PGPEP1: variants seen among roughly 807,000 people sequenced by gnomAD.
PGPEP1 encodes the protein pyroglutamyl-peptidase I, also known as pyroglutamyl-peptidase 1.
Under a neutral mutation model 24.1 loss-of-function variants are expected in PGPEP1, and 15 were observed. The observed-to-expected ratio is 0.62, with a 90% CI of 0.42 to 0.96. The LOEUF is 0.96. PGPEP1 is among the 40% of genes least tolerant of loss of function. PGPEP1 has a pLI of 0.00. For synonymous variants in PGPEP1, 122 were observed against 116.4 expected (o/e 1.05, Z -0.31); for missense variants, 242 against 273.4 (o/e 0.89, Z 0.81).
chr19:18,340,744 C>T, intron 1 of PGPEP1, 29 bp downstream of exon 1: 1 of 1,448,556 alleles, frequency 6.9e-7, no homozygotes. Flanking sequence ...GCTGTAGCGG[C>T]AGCGGCCGGG....
rs1311829449 is a variant in PGPEP1 at position 18,366,373 on chromosome 19, C to T, written c.*2790C>T. On this transcript the variant is annotated 3_prime_UTR_variant, in exon 5 of 5. Coordinates refer to ENST00000269919, the MANE Select transcript of PGPEP1 (RefSeq NM_017712.4). ...CGTGTGTGTGTGTCATCTTTGTATTCTTGCAGTGGTTTCACATTTCCTTAC... is the reference window on the plus strand; with the variant it reads ...CGTGTGTGTGTGTCATCTTTGTATTTTTGCAGTGGTTTCACATTTCCTTAC... The T allele has an allele frequency of 2.0e-5, 3 of 152,194 alleles. No individual in the cohort carries two copies. Among genetic ancestry groups the T allele is most frequent in the Non-Finnish European group, 4.4e-5 (3 of 68,044 alleles). 9.4% of individuals were successfully genotyped at this position (152,194 alleles called of 1,614,324 possible).
intron 2 of PGPEP1, among the ~76,000 whole-genome samples, chr19:18,351,728 A>G (rs1225497096): frequency 1.3e-5 from 2 of 151,910 alleles, no homozygotes; most frequent in East Asian, 3.9e-4. Context: ...GGATCGCTTG[A>G]GTCTAGGAGT....
intron 1 of PGPEP1, among the ~76,000 whole-genome samples, 176 bp from the exon 2 acceptor site, chr19:18,342,683 G>A (rs954125136): frequency 3.9e-5 from 6 of 152,156 alleles, no homozygotes; most frequent in South Asian, 2.1e-4. Flanking sequence ...GCAGGACGGC[G>A]GCTCTGACGG....
intron 4 of PGPEP1, among the ~76,000 whole-genome samples, chr19:18,361,524 A>T (rs1264914655): frequency 6.6e-6 from 1 of 151,918 alleles, no homozygotes; most frequent in East Asian, 1.9e-4. Flanking sequence ...GAGTCAAGGG[A>T]TCCTCCCACT....
chr19:18,359,864 C>T (rs1971293355), intron 4 of PGPEP1, among the ~76,000 whole-genome samples: 1 of 152,006 alleles, frequency 6.6e-6, no homozygotes, highest in Non-Finnish European at 1.5e-5. Flanking sequence ...ACTTGTAGGC[C>T]TCTCCAACTC....
chr19:18,356,472 G>T lies in PGPEP1; in HGVS notation c.204+461G>T, dbSNP rs1239664104. Among the ~76,000 whole-genome samples the T allele has an allele frequency of 2.1e-5, 3 of 143,556 alleles. No homozygotes were observed. In the East Asian group the frequency reaches 6.4e-4, roughly 30 times the overall value. 94.2% of individuals were successfully genotyped at this position (143,556 alleles called of 152,430 possible). ...AACCCAAAGGGCTATCCAGGCCAAG[G>T]GTAGTGGCTCATGCCTGTAATCCCA... On this transcript the variant is annotated intron_variant, in intron 3 of 4. Transcript: ENST00000269919.
rs1971439734 is a variant in PGPEP1 at position 18,364,088 on chromosome 19, C to CTTTCTTTCTTTTTTTCTTTCTTT, written c.*516_*517insTTTTCTTTCTTTTTTCTTTCTTT. 1 of 127,618 alleles carries CTTTCTTTCTTTTTTTCTTTCTTT rather than the reference C, an allele frequency of 7.8e-6. No individual in the cohort carries two copies. Among genetic ancestry groups the CTTTCTTTCTTTTTTTCTTTCTTT allele is most frequent in the African/African-American group, 3.0e-5 (1 of 33,510 alleles). The allele number at this position is 127,618 out of a possible 1,614,324, so 7.9% of individuals were successfully genotyped here. A position where few individuals can be genotyped will look rare whatever the true frequency, so the allele number is the denominator to read the frequency against. On this transcript the variant is annotated 3_prime_UTR_variant, in exon 5 of 5. Transcript: ENST00000269919. ...GGGATATGGCTGGCTGGCTGGCTTT[C>CTTTCTTTCTTTTTTTCTTTCTTT]TTTCTTTCTTTCTTTCTTTCTTTCT...
At chr19:18,353,394 A>G (rs1459840431) in intron 2 of PGPEP1, among the ~76,000 whole-genome samples, 1 of 151,394 alleles carries the variant, frequency 6.6e-6, no homozygotes, top group Non-Finnish European at 1.5e-5. Context: ...GCTAATTTGT[A>G]TTTTCGAGTT....
chr19:18,348,754 G>A (rs1015658124), intron 2 of PGPEP1, among the ~76,000 whole-genome samples: 1 of 152,092 alleles, frequency 6.6e-6, no homozygotes, highest in African/African-American at 2.4e-5. Context: ...TCACTTTGGT[G>A]AGAAACTTTT....
chr19:18,342,805 G>A (rs1436451001), intron 1 of PGPEP1, 54 bp from the exon 2 acceptor site: 2 of 1,396,906 alleles, frequency 1.4e-6, no homozygotes, highest in Non-Finnish European at 1.0e-6. Context: ...CAGGCCAGGG[G>A]CAGACTGGGA....
intron 2 of PGPEP1, among the ~76,000 whole-genome samples, chr19:18,354,967 T>C (rs1453130724): frequency 7.1e-6 from 1 of 140,848 alleles, no homozygotes; most frequent in African/African-American, 2.7e-5. Context: ...GATACTTTTT[T>C]TTTTTTTTTT....
At chr19:18,347,227 A>G (rs533215352) in intron 2 of PGPEP1, among the ~76,000 whole-genome samples, 37 of 145,072 alleles carry the variant, frequency 2.6e-4, no homozygotes, top group African/African-American at 7.9e-4. Flanking sequence ...GACTACAGGC[A>G]TGCACCACCA....
chr19:18,345,190 C>T (rs1423319088), intron 2 of PGPEP1, among the ~76,000 whole-genome samples: 4 of 151,884 alleles, frequency 2.6e-5, no homozygotes, highest in Non-Finnish European at 4.4e-5. Flanking sequence ...TTAGTACAGA[C>T]GAGGTTTTGC....
At chr19:18,355,125 C>G (rs950843691) in intron 2 of PGPEP1, among the ~76,000 whole-genome samples, 1 of 151,910 alleles carries the variant, frequency 6.6e-6, no homozygotes, top group Non-Finnish European at 1.5e-5. Flanking sequence ...CACGCCGCCA[C>G]GCCCAGCCAA....
chr19:18,347,200 G>T (rs1970874099), intron 2 of PGPEP1, among the ~76,000 whole-genome samples: 1 of 149,596 alleles, frequency 6.7e-6, no homozygotes, highest in Non-Finnish European at 1.5e-5. Context: ...TCCCGCCCCA[G>T]CTTCCCCATT....
Position 18,366,522 on chromosome 19 carries a change from G to A in PGPEP1, c.*2939G>A, listed in dbSNP as rs561091275. 1.4e-4 allele frequency: 21 copies of A among 152,212 alleles called. No individual in the cohort carries two copies. The highest frequency in any genetic ancestry group is 5.1e-4 in the African/African-American group (21 of 41,520). The allele number at this position is 152,212 out of a possible 1,614,324, so 9.4% of individuals were successfully genotyped here. A position where few individuals can be genotyped will look rare whatever the true frequency, so the allele number is the denominator to read the frequency against. On this transcript the variant is annotated 3_prime_UTR_variant, in exon 5 of 5. Transcript: ENST00000269919. The stretch of plus-strand genomic sequence containing the variant: ...TTCTCACACTGTTACTCGGGCTAGA[G>A]TGCAATGGCGTGATCTCGGCTCACT...
rs577480488 is a variant in PGPEP1, at chr19:18,351,044, T to C, written c.88-4851T>C. ...ATCCCAGCATTTTGGGAGGCCAAGGTGGGCGGATCATGAGGTCAGGAGATG... is the reference window on the plus strand; with the variant it reads ...ATCCCAGCATTTTGGGAGGCCAAGGCGGGCGGATCATGAGGTCAGGAGATG... On this transcript the variant is annotated intron_variant, in intron 2 of 4. Transcript: ENST00000269919. 5.3e-5 allele frequency among the ~76,000 whole-genome samples: 8 copies of C among 152,024 alleles called. No homozygotes were observed. In the South Asian group the frequency reaches 8.3e-4, roughly 16 times the overall value.
chr19:18,344,389 C>T (rs914474640), intron 2 of PGPEP1, among the ~76,000 whole-genome samples: 2 of 152,042 alleles, frequency 1.3e-5, no homozygotes, highest in Non-Finnish European at 2.9e-5. Flanking sequence ...TAAATCAGAT[C>T]GGCAGAGACC....
At chr19:18,345,422 C>T (rs1318865558) in intron 2 of PGPEP1, among the ~76,000 whole-genome samples, 3 of 151,932 alleles carry the variant, frequency 2.0e-5, no homozygotes, top group Admixed American at 2.0e-4. Flanking sequence ...CAAAGTTTAA[C>T]ATATATACAC....
Sources: gnomAD v4.1 joint callset for allele counts (sites outside exome capture counted in the v4.1 genomes callset) on GRCh38, gnomAD v4.1.1 for gene constraint, MANE v1.5 for transcripts, NCBI Gene and HGNC (gene_info 2026-07-23, HGNC 2026-07-21) for gene names.